The following NEXN variants were observed in gnomAD, a reference collection of about 807,000 sequenced individuals.
The protein encoded by NEXN is nexilin F-actin binding protein.
NEXN carries 65 observed loss-of-function variants against 92.6 expected under a neutral mutation model. The ratio of observed to expected loss-of-function variants is 0.70; its 90% CI spans 0.57 to 0.86. The LOEUF (loss-of-function observed/expected upper bound fraction) is 0.86, where lower values mean the gene tolerates loss of function less well. NEXN is among the 40% of genes least tolerant of loss of function. The pLI is 0.00. For synonymous variants in NEXN, 254 were observed against 242.5 expected (o/e 1.05, Z -0.44); for missense variants, 778 against 771.1 (o/e 1.01, Z -0.11).
rs532819431 is a variant in NEXN, at chr1:77,938,232, C to T, written c.1473+2188C>T. On this transcript the variant is annotated intron_variant, in intron 11 of 12. Transcript: ENST00000334785. ...AGGCCTGGGTTAGTTGTAGATAAAC[C>T]TTTTCATCATTGCCAAAAGCAAACA... is the stretch of plus-strand genomic sequence containing the variant. Among the ~76,000 whole-genome samples the T allele has an allele frequency of 1.2e-4, 18 of 152,284 alleles. No individual in the cohort carries two copies. In the South Asian group the frequency reaches 3.5e-3, roughly 30 times the overall value.
At chr1:77,931,659 AT>A (rs1650323101) in intron 9 of NEXN, 1 of 152,212 alleles carries the variant, frequency 6.6e-6, no homozygotes. Context: ...ACAAATAAGT[AT>A]TGTAATTTAT....
Position 77,936,028 on chromosome 1 carries a change from C to G in NEXN, c.1457C>G (p.Ala486Gly), listed in dbSNP as rs397517847. The G allele has an allele frequency of 2.5e-6, 4 of 1,612,710 alleles. No individual in the cohort carries two copies. Among genetic ancestry groups the G allele is most frequent in the Non-Finnish European group, 3.4e-6 (4 of 1,179,098 alleles). Residue 486 changes from alanine (A) to glycine (G), a missense_variant, in exon 11 of 13, where the codon GCT (alanine) becomes GGT (glycine). By Grantham distance (60) the Ala-to-Gly change is moderately conservative. Coordinates refer to ENST00000334785, the MANE Select transcript of NEXN (RefSeq NM_144573.4). Reference sequence around the variant, plus strand: ...GACCTTGAAATTAAAGAGCGAGAAGCTGAAAATTTTCATGAGGTATATTAC... The same window carrying G: ...GACCTTGAAATTAAAGAGCGAGAAGGTGAAAATTTTCATGAGGTATATTAC... ...AIDLEIKERE[A>G]ENFHEEDDVD... is the part of the protein sequence containing the mutation.
At chr1:77,891,949 G>T (rs1435782084) in intron 1 of NEXN, among the ~76,000 whole-genome samples, 1 of 151,724 alleles carries the variant, frequency 6.6e-6, no homozygotes, top group African/African-American at 2.4e-5. Context: ...CAGATGTGGT[G>T]GTGCATGCCT....
chr1:77,941,371 T>A (rs1453990754), intron 11 of NEXN, among the ~76,000 whole-genome samples: 1 of 152,164 alleles, frequency 6.6e-6, no homozygotes, highest in African/African-American at 2.4e-5. Context: ...GACACACTAT[T>A]TGACAGTTGA....
intron 5 of NEXN, among the ~76,000 whole-genome samples, chr1:77,923,891 T>C (rs954540447): frequency 7.3e-4 from 111 of 151,648 alleles, no homozygotes; most frequent in African/African-American, 2.5e-3. Flanking sequence ...TTGGGCAGGA[T>C]GGTCTTGATC....
At chr1:77,930,994 T>C (rs1326862966) in intron 9 of NEXN, among the ~76,000 whole-genome samples, 1 of 152,200 alleles carries the variant, frequency 6.6e-6, no homozygotes, top group Non-Finnish European at 1.5e-5. Flanking sequence ...ATTGAAATCT[T>C]ACGTGCAGTA....
chr1:77,900,237 C>T (rs1466619309), intron 1 of NEXN, among the ~76,000 whole-genome samples: 11 of 152,126 alleles, frequency 7.2e-5, no homozygotes, highest in Admixed American at 7.2e-4. Flanking sequence ...GATGCCTTTA[C>T]AATCTTTTCC....
chr1:77,888,795 T>G lies in NEXN; in HGVS notation c.-53+36T>G, dbSNP rs147230680. On this transcript the variant is annotated intron_variant, in intron 1 of 12. Coordinates refer to ENST00000334785, the MANE Select transcript of NEXN (RefSeq NM_144573.4). The stretch of plus-strand genomic sequence containing the variant: ...TTGGGGGAACGTGGGCTGGGGGGAG[T>G]GGAGACGGAGGTGTCGGGTCCCCTG... 2,013 of 142,702 alleles carry G rather than the reference T, an allele frequency of 0.014. 38 individuals carry two copies. Among genetic ancestry groups the G allele is most frequent in the African/African-American group, 0.049 (1,912 of 38,752 alleles). 8.8% of individuals were successfully genotyped at this position (142,702 alleles called of 1,614,324 possible).
At chr1:77,911,418 C>G (rs1043758576) in intron 1 of NEXN, among the ~76,000 whole-genome samples, 3 of 152,074 alleles carry the variant, frequency 2.0e-5, no homozygotes, top group African/African-American at 7.2e-5. Context: ...ATGGTGAAAC[C>G]CTGTCTCTAC....
At chr1:77,934,011 A>ATTTATTT (rs1650529936) in intron 10 of NEXN, among the ~76,000 whole-genome samples, 1 of 114,310 alleles carries the variant, frequency 8.7e-6, no homozygotes, top group South Asian at 2.6e-4. Flanking sequence ...CTAATTTTTA[A>ATTTATTT]TTTTTTTTTT....
At chr1:77,917,855 A>G (rs1383250923) in intron 3 of NEXN, 98 bp downstream of exon 3, 13 of 1,419,446 alleles carry the variant, frequency 9.2e-6, no homozygotes, top group South Asian at 1.2e-5. Flanking sequence ...ATTAACTATA[A>G]CTAAAATACT....
At chr1:77,903,072 C>T (rs1050995270) in intron 1 of NEXN, among the ~76,000 whole-genome samples, 5 of 152,022 alleles carry the variant, frequency 3.3e-5, no homozygotes, top group African/African-American at 1.2e-4. Flanking sequence ...AATTTTAGTT[C>T]TGATCCATGA....
At chr1:77,915,725 TC>T (rs981069597) in intron 1 of NEXN, among the ~76,000 whole-genome samples, 1 of 152,146 alleles carries the variant, frequency 6.6e-6, no homozygotes, top group African/African-American at 2.4e-5. Context: ...AAAATACAGA[TC>T]TAAAACATGA....
chr1:77,925,002 A>T (rs1649736155), intron 5 of NEXN, among the ~76,000 whole-genome samples, 186 bp from the exon 6 acceptor site: 1 of 152,194 alleles, frequency 6.6e-6, no homozygotes, highest in African/African-American at 2.4e-5. Context: ...ATTGATATTG[A>T]TATCAATATG....
At chr1:77,941,725 T>C (rs1651328271) in intron 11 of NEXN, 1 of 407,484 alleles carries the variant, frequency 2.5e-6, no homozygotes, top group African/African-American at 2.0e-5. Flanking sequence ...TCTGACCTTT[T>C]TCAGTTAAGT....
rs2102187693 is a variant in NEXN at position 77,943,699 on chromosome 1, G to C, written c.*870G>C. ...CGCAAGAGAAAACACTTTCAACATA[G>C]TCGAAGGCTTCAAGATCTAAGTGTA... is the stretch of plus-strand genomic sequence containing the variant. On this transcript the variant is annotated 3_prime_UTR_variant, in exon 13 of 13. Coordinates refer to ENST00000334785, the MANE Select transcript of NEXN (RefSeq NM_144573.4). 1 of 152,092 alleles carries C rather than the reference G, an allele frequency of 6.6e-6. No individual in the cohort carries two copies. The highest frequency in any genetic ancestry group is 1.5e-5 in the Non-Finnish European group (1 of 67,898). The allele number at this position is 152,092 out of a possible 1,614,324, so 9.4% of individuals were successfully genotyped here. A position where few individuals can be genotyped will look rare whatever the true frequency, so the allele number is the denominator to read the frequency against.
chr1:77,916,141 T>C lies in NEXN; in HGVS notation c.27+8T>C. The C allele has an allele frequency of 6.3e-7, 1 of 1,598,946 alleles. No individual in the cohort carries two copies. The highest frequency in any genetic ancestry group is 8.5e-7 in the Non-Finnish European group (1 of 1,170,290). The stretch of plus-strand genomic sequence containing the variant: ...ATTTCCCAAAAGGCTGAGGTAAGTC[T>C]CAAAAGTAAAAATAAAAATAAAAGA... On this transcript the variant is annotated splice_region_variant and intron_variant, in intron 2 of 12. Coordinates refer to ENST00000334785, the MANE Select transcript of NEXN (RefSeq NM_144573.4).
intron 1 of NEXN, among the ~76,000 whole-genome samples, chr1:77,911,266 C>T (rs1449234464): frequency 6.6e-6 from 1 of 152,136 alleles, no homozygotes; most frequent in Non-Finnish European, 1.5e-5. Context: ...CCACACTTGG[C>T]CTCATGTGAC....
intron 11 of NEXN, among the ~76,000 whole-genome samples, chr1:77,937,296 C>A (rs1311090216): frequency 6.6e-6 from 1 of 150,754 alleles, no homozygotes; most frequent in Non-Finnish European, 1.5e-5. Context: ...AGAGCAAGAC[C>A]CTGTCTCTAA....
Sources: gnomAD v4.1 joint callset for allele counts (sites outside exome capture counted in the v4.1 genomes callset) on GRCh38, gnomAD v4.1.1 for gene constraint, MANE v1.5 for transcripts, NCBI Gene and HGNC (gene_info 2026-07-23, HGNC 2026-07-21) for gene names.